GPC5: variants seen among roughly 807,000 people sequenced by gnomAD.
GPC5 encodes glypican-5.
A neutral mutation model predicts 53.9 loss-of-function variants in GPC5; 47 were observed. The observed-to-expected ratio is 0.87, with a 90% CI of 0.69 to 1.11. The LOEUF is 1.11. GPC5 is among the 50% of genes most tolerant of loss of function. GPC5 has a pLI of 0.00. For missense variants in GPC5, 748 were observed against 713.1 expected, an observed-to-expected ratio of 1.05 and a Z score of -0.56; for synonymous variants, 286 against 263.3, an observed-to-expected ratio of 1.09 and a Z score of -0.84.
chr13:92,642,565 C>T (rs182213665), intron 7 of GPC5, among the ~76,000 whole-genome samples: 10 of 152,190 alleles, frequency 6.6e-5, no homozygotes, highest in South Asian at 6.2e-4. Context: ...TCTACTAAAT[C>T]GTGTGAGGCC....
intron 7 of GPC5, among the ~76,000 whole-genome samples, chr13:92,698,536 T>A (rs1283827356): frequency 2.0e-5 from 3 of 152,218 alleles, no homozygotes; most frequent in African/African-American, 7.2e-5. Context: ...ATGATGTATA[T>A]GTGCCACATT....
chr13:92,227,525 CA>C (rs994417246), intron 7 of GPC5, among the ~76,000 whole-genome samples: 26 of 152,214 alleles, frequency 1.7e-4, no homozygotes, highest in African/African-American at 6.3e-4. Context: ...TAAATGTAAA[CA>C]GAGCCAAAGA....
intron 6 of GPC5, among the ~76,000 whole-genome samples, chr13:91,962,299 C>T (rs2040133405): frequency 1.3e-5 from 2 of 152,118 alleles, no homozygotes; most frequent in Admixed American, 6.6e-5. Context: ...GCCATGAATA[C>T]AGAATTTTAT....
intron 6 of GPC5, among the ~76,000 whole-genome samples, chr13:92,033,585 G>A (rs2138812132): frequency 6.6e-6 from 1 of 152,234 alleles, no homozygotes; most frequent in Non-Finnish European, 1.5e-5. Flanking sequence ...TAATTTTCAG[G>A]CAATATTTAT....
intron 6 of GPC5, chr13:91,996,142 ATCT>A (rs1309936662): frequency 2.0e-5 from 3 of 152,310 alleles, no homozygotes; most frequent in Admixed American, 2.0e-4. Context: ...AAGGAAGAAA[ATCT>A]TCACATCCCT....
chr13:92,132,582 A>G (rs1405043733), intron 6 of GPC5, among the ~76,000 whole-genome samples: 2 of 152,058 alleles, frequency 1.3e-5, no homozygotes, highest in Non-Finnish European at 2.9e-5. Flanking sequence ...TACACGTGGC[A>G]TATTCTTTGT....
intron 7 of GPC5, among the ~76,000 whole-genome samples, chr13:92,825,246 T>G (rs960700786): frequency 5.3e-5 from 8 of 152,130 alleles, no homozygotes; most frequent in South Asian, 2.1e-4. Context: ...AATGAAGGAT[T>G]TAGACAGTAC....
intron 7 of GPC5, among the ~76,000 whole-genome samples, chr13:92,432,858 G>T (rs1877153684): frequency 6.6e-6 from 1 of 151,944 alleles, no homozygotes; most frequent in Admixed American, 6.6e-5. Flanking sequence ...CTTTCCTTTT[G>T]TATGTGTAGG....
intron 7 of GPC5, among the ~76,000 whole-genome samples, chr13:92,602,243 T>A (rs796847101): frequency 7.3e-6 from 1 of 137,394 alleles, no homozygotes; most frequent in South Asian, 2.2e-4. Context: ...CATATATATA[T>A]ATATATATAT....
At chr13:91,780,141 T>C (rs2037776146) in intron 5 of GPC5, among the ~76,000 whole-genome samples, 1 of 152,192 alleles carries the variant, frequency 6.6e-6, no homozygotes, top group South Asian at 2.1e-4. Flanking sequence ...TATAGGAATT[T>C]TTCAGCTGTA....
chr13:92,632,713 A>G (rs914839022), intron 7 of GPC5, among the ~76,000 whole-genome samples: 2 of 152,058 alleles, frequency 1.3e-5, no homozygotes, highest in African/African-American at 4.8e-5. Context: ...GCTGATAAAG[A>G]CATACCTGAG....
intron 7 of GPC5, among the ~76,000 whole-genome samples, chr13:92,304,458 C>T (rs1926625): frequency 0.36 from 54,020 of 151,690 alleles, 10,948 homozygotes; most frequent in African/African-American, 0.56. Flanking sequence ...CCTGCCTCGG[C>T]ATCCCAAAGT....
At chr13:92,213,638 A>C (rs2139077624) in intron 7 of GPC5, among the ~76,000 whole-genome samples, 1 of 152,328 alleles carries the variant, frequency 6.6e-6, no homozygotes, top group South Asian at 2.1e-4. Context: ...AAAAGTTAAT[A>C]ATCTGTGACA....
At chr13:92,852,127 G>A (rs913155593) in intron 7 of GPC5, among the ~76,000 whole-genome samples, 1 of 152,084 alleles carries the variant, frequency 6.6e-6, no homozygotes, top group Non-Finnish European at 1.5e-5. Context: ...AAAGAAAGAG[G>A]AATTCTTGGA....
intron 7 of GPC5, among the ~76,000 whole-genome samples, chr13:92,250,526 GT>G (rs1190301212): frequency 6.6e-6 from 1 of 152,036 alleles, no homozygotes; most frequent in Non-Finnish European, 1.5e-5. Context: ...GAAGCTGTGG[GT>G]TTAAAAACAC....
chr13:92,116,914 G>A lies in GPC5; in HGVS notation c.1402-27916G>A, dbSNP rs142134464. Among the ~76,000 whole-genome samples the A allele has an allele frequency of 2.8e-4, 42 of 151,780 alleles. 1 individual carries two copies. In the East Asian group the frequency reaches 6.6e-3, roughly 24 times the overall value. On this transcript the variant is annotated intron_variant, in intron 6 of 7. Coordinates refer to ENST00000377067, the MANE Select transcript of GPC5 (RefSeq NM_004466.6). Reference sequence around the variant, plus strand: ...GTTGATGGTTTCTTTATTAAGTTTTGGGAATATTACATATTCGGAATACAG... The same window carrying A: ...GTTGATGGTTTCTTTATTAAGTTTTAGGAATATTACATATTCGGAATACAG...
chr13:91,668,578 C>G (rs1208052043), intron 2 of GPC5, among the ~76,000 whole-genome samples: 2 of 151,824 alleles, frequency 1.3e-5, no homozygotes, highest in African/African-American at 4.8e-5. Context: ...CTATTGTTTC[C>G]TATGTTATTT....
chr13:92,760,141 TA>T lies in GPC5; in HGVS notation c.1562-106140del, dbSNP rs578120541. Among the ~76,000 whole-genome samples, 8 of 152,226 alleles carry T rather than the reference TA, an allele frequency of 5.3e-5. No homozygotes were observed. In the South Asian group the frequency reaches 1.7e-3, roughly 32 times the overall value. Reference sequence around the variant, plus strand: ...CATCAGTGATATTTGGCCTATAGTTTATTTTCTTATGGTGTCTTTGTCTGGT... The same window carrying T: ...CATCAGTGATATTTGGCCTATAGTTTTTTTCTTATGGTGTCTTTGTCTGGT... On this transcript the variant is annotated intron_variant, in intron 7 of 7. Transcript: ENST00000377067.
At chr13:92,086,094 A>G (rs1221785903) in intron 6 of GPC5, among the ~76,000 whole-genome samples, 3 of 152,220 alleles carry the variant, frequency 2.0e-5, no homozygotes, top group African/African-American at 7.2e-5. Flanking sequence ...GGCCTTCTGC[A>G]TTAAAGGAGT....
Sources: gnomAD v4.1 joint callset for allele counts (sites outside exome capture counted in the v4.1 genomes callset) on GRCh38, gnomAD v4.1.1 for gene constraint, MANE v1.5 for transcripts, NCBI Gene and HGNC (gene_info 2026-07-23, HGNC 2026-07-21) for gene names.